Variants in THSD4 observed in about 807,000 individuals in gnomAD.
THSD4 encodes the protein thrombospondin type-1 domain-containing protein 4.
A neutral mutation model predicts 119.0 loss-of-function variants in THSD4; 69 were observed. The ratio of observed to expected loss-of-function variants is 0.58; its 90% CI spans 0.48 to 0.71. THSD4 has a LOEUF of 0.71. Ranked by LOEUF, THSD4 falls within the 30% of genes least tolerant of loss-of-function variation. The pLI is 0.00. For missense variants in THSD4, 1,393 were observed against 1,391.1 expected (o/e 1.00, Z -0.02); for synonymous variants, 524 against 540.4 (o/e 0.97, Z 0.42).
chr15:71,419,286 TTGA>T lies in THSD4; in HGVS notation c.1152+7464_1152+7466del, dbSNP rs1439473799. ...GGCATGATCACAGCTCACTGCAGCC[TTGA>T]CCTCCAGGATCAAGCAGTTCCCCCA... On this transcript the variant is annotated intron_variant, in intron 7 of 17. Coordinates refer to ENST00000261862, the MANE Select transcript of THSD4 (RefSeq NM_024817.3). Among the ~76,000 whole-genome samples, 2 of 106,558 alleles carry T rather than the reference TTGA, an allele frequency of 1.9e-5. 1 individual carries two copies. The highest frequency in any genetic ancestry group is 6.1e-4 in the East Asian group (2 of 3,254). 69.9% of individuals were successfully genotyped at this position (106,558 alleles called of 152,430 possible).
At chr15:71,495,235 G>A (rs1213210626) in intron 7 of THSD4, among the ~76,000 whole-genome samples, 1 of 152,182 alleles carries the variant, frequency 6.6e-6, no homozygotes, top group Non-Finnish European at 1.5e-5. Context: ...TTTTGAGAAT[G>A]TTGAAATGGA....
intron 8 of THSD4, among the ~76,000 whole-genome samples, chr15:71,663,476 G>A (rs367822463): frequency 1.6e-4 from 25 of 152,176 alleles, no homozygotes; most frequent in African/African-American, 4.3e-4. Flanking sequence ...GAGCACTTAC[G>A]TCACCTGGGG....
rs138650027 is a variant in THSD4 at position 71,277,837 on chromosome 15, C to T, written c.1015+21122C>T. On this transcript the variant is annotated intron_variant, in intron 6 of 17. Transcript: ENST00000261862. ...CCACTGAAGGTAGATACCTCCCAGCCCTTTCTGTGCTGGGACTAAGATGGC... is the reference window on the plus strand; with the variant it reads ...CCACTGAAGGTAGATACCTCCCAGCTCTTTCTGTGCTGGGACTAAGATGGC... 3.9e-3 allele frequency among the ~76,000 whole-genome samples: 594 copies of T among 152,250 alleles called. 4 individuals are homozygous for T. Among genetic ancestry groups the T allele is most frequent in the South Asian group, 0.024 (116 of 4,808 alleles).
At chr15:71,460,555 G>A (rs943333778) in intron 7 of THSD4, among the ~76,000 whole-genome samples, 4 of 152,088 alleles carry the variant, frequency 2.6e-5, no homozygotes, top group Non-Finnish European at 4.4e-5. Flanking sequence ...AGAAGCTGAC[G>A]GTAATGCCCT....
intron 10 of THSD4, among the ~76,000 whole-genome samples, chr15:71,736,441 C>G (rs1358979206): frequency 1.3e-5 from 2 of 151,950 alleles, no homozygotes; most frequent in African/African-American, 4.8e-5. Context: ...TTGTCTCTCT[C>G]TTGCTCTCTG....
At chr15:71,574,253 A>T (rs1231649543) in intron 7 of THSD4, among the ~76,000 whole-genome samples, 1 of 152,206 alleles carries the variant, frequency 6.6e-6, no homozygotes. Context: ...TTGTGTGTCA[A>T]TGCAATGGCA....
At chr15:71,158,217 G>A (rs959777695) in intron 3 of THSD4, among the ~76,000 whole-genome samples, 6 of 144,392 alleles carry the variant, frequency 4.2e-5, no homozygotes, top group Non-Finnish European at 7.5e-5. Flanking sequence ...GCAGTGGCGC[G>A]ATCTCAGCTC....
chr15:71,192,506 C>T (rs2043680919), intron 3 of THSD4, among the ~76,000 whole-genome samples: 1 of 152,062 alleles, frequency 6.6e-6, no homozygotes, highest in African/African-American at 2.4e-5. Flanking sequence ...CAGTCTTGAA[C>T]TCCTGGCCTC....
At chr15:71,659,558 G>T (rs1459622072) in intron 7 of THSD4, among the ~76,000 whole-genome samples, 2 of 152,050 alleles carry the variant, frequency 1.3e-5, no homozygotes, top group African/African-American at 4.8e-5. Context: ...GACTACAGGT[G>T]TGTGCCCTCG....
chr15:71,649,202 C>G (rs1409033537), intron 7 of THSD4, among the ~76,000 whole-genome samples: 1 of 152,162 alleles, frequency 6.6e-6, no homozygotes, highest in Non-Finnish European at 1.5e-5. Context: ...CCTCTCTGTC[C>G]CTTTCCTCTC....
intron 7 of THSD4, among the ~76,000 whole-genome samples, chr15:71,442,660 G>GTATGTATGTATGTGTATATATA (rs1555414328): frequency 1.2e-4 from 3 of 25,822 alleles, no homozygotes; most frequent in Non-Finnish European, 2.8e-4. Context: ...GTGTGTGTGT[G>GTATGTATGTATGTGTATATATA]TATATATATA....
chr15:71,213,735 T>A (rs984138935), intron 3 of THSD4, among the ~76,000 whole-genome samples: 1 of 152,052 alleles, frequency 6.6e-6, no homozygotes, highest in African/African-American at 2.4e-5. Flanking sequence ...ATAGAGCTTT[T>A]GAACCTTCTG....
chr15:71,206,136 C>T (rs1333505762), intron 3 of THSD4, among the ~76,000 whole-genome samples: 1 of 152,130 alleles, frequency 6.6e-6, no homozygotes, highest in Admixed American at 6.5e-5. Context: ...CTCAGCCTCC[C>T]GAGTAGCTGG....
At chr15:71,278,278 C>T (rs919361169) in intron 6 of THSD4, among the ~76,000 whole-genome samples, 1 of 152,106 alleles carries the variant, frequency 6.6e-6, no homozygotes, top group African/African-American at 2.4e-5. Flanking sequence ...TCATTGTAGC[C>T]CTGATCTCCC....
At chr15:71,393,625 T>C (rs1332288397) in intron 6 of THSD4, among the ~76,000 whole-genome samples, 1 of 152,096 alleles carries the variant, frequency 6.6e-6, no homozygotes, top group Non-Finnish European at 1.5e-5. Flanking sequence ...TTTTGAAAGC[T>C]CCTGGGTGTC....
chr15:71,447,931 A>G (rs2047209953), intron 7 of THSD4, among the ~76,000 whole-genome samples: 1 of 152,188 alleles, frequency 6.6e-6, no homozygotes, highest in Non-Finnish European at 1.5e-5. Flanking sequence ...AGGCAAAAAG[A>G]AGGACTAAAG....
chr15:71,762,150 A>AACACAC (rs72267245), intron 15 of THSD4, among the ~76,000 whole-genome samples: 3,589 of 112,276 alleles, frequency 0.032, 136 homozygotes, highest in African/African-American at 0.082. Context: ...CGCGTGTGCA[A>AACACAC]ACACACACAC....
chr15:71,430,759 G>GAAAAAAAAAAA (rs397719477), intron 7 of THSD4, among the ~76,000 whole-genome samples: 1 of 82,954 alleles, frequency 1.2e-5, no homozygotes, highest in Non-Finnish European at 2.2e-5. Context: ...TCTGTCTCAA[G>GAAAAAAAAAAA]AAAAAAAAAA....
intron 6 of THSD4, among the ~76,000 whole-genome samples, chr15:71,378,129 A>G (rs1046534118): frequency 6.6e-6 from 1 of 151,966 alleles, no homozygotes; most frequent in East Asian, 1.9e-4. Flanking sequence ...CTTTATTTTG[A>G]TTTTTTTCAT....
Sources: gnomAD v4.1 joint callset for allele counts (sites outside exome capture counted in the v4.1 genomes callset) on GRCh38, gnomAD v4.1.1 for gene constraint, MANE v1.5 for transcripts, NCBI Gene and HGNC (gene_info 2026-07-23, HGNC 2026-07-21) for gene names.